FPR2: variants seen among roughly 807,000 people sequenced by gnomAD.
The protein encoded by FPR2 is N-formyl peptide receptor 2.
Under a neutral mutation model 4.0 loss-of-function variants are expected in FPR2, and 3 were observed. The observed-to-expected ratio is 0.74, with a 90% CI of 0.34 to 1.92. The LOEUF (loss-of-function observed/expected upper bound fraction) is 1.92, where lower values mean the gene tolerates loss of function less well. Among genes scored for constraint, FPR2 ranks in the 30% most tolerant of loss-of-function variants. The pLI, the probability that FPR2 is intolerant of heterozygous loss-of-function variation, is 0.07. For missense variants in FPR2, 372 were observed against 435.7 expected (o/e 0.85, Z 1.30); for synonymous variants, 179 against 171.5 (o/e 1.04, Z -0.34).
chr19:51,766,110 G>A (rs977754695), intron 1 of FPR2, among the ~76,000 whole-genome samples: 3 of 152,072 alleles, frequency 2.0e-5, no homozygotes, highest in East Asian at 1.9e-4. Flanking sequence ...CGGTAGAGAC[G>A]GGGCTTCACC....
chr19:51,768,334 C>A, intron 1 of FPR2: 1 of 238,788 alleles, frequency 4.2e-6, no homozygotes, highest in Admixed American at 5.0e-5. Flanking sequence ...AATGCTGAGG[C>A]TGCCTATGCT....
chr19:51,764,450 G>A (rs17694990), intron 1 of FPR2, among the ~76,000 whole-genome samples: 4 of 151,944 alleles, frequency 2.6e-5, no homozygotes, highest in South Asian at 2.1e-4. Context: ...GTGGGATAGC[G>A]AGTGCGCTGG....
intron 1 of FPR2, among the ~76,000 whole-genome samples, chr19:51,765,037 G>C (rs1213617078): frequency 6.6e-6 from 1 of 152,184 alleles, no homozygotes; most frequent in Non-Finnish European, 1.5e-5. Context: ...ATGTTGGCCA[G>C]GCTGGTTTCA....
At chr19:51,765,561 C>T (rs1033177475) in intron 1 of FPR2, among the ~76,000 whole-genome samples, 4 of 152,138 alleles carry the variant, frequency 2.6e-5, no homozygotes, top group Non-Finnish European at 5.9e-5. Flanking sequence ...CTGTGAGAGG[C>T]GTTGATAGGG....
intron 1 of FPR2, among the ~76,000 whole-genome samples, chr19:51,762,155 G>A (rs1052812106): frequency 2.7e-5 from 4 of 148,170 alleles, no homozygotes; most frequent in South Asian, 4.2e-4. Context: ...GCGCAGTCTC[G>A]GCTCACTGCA....
rs2083891741 is a variant in FPR2, at chr19:51,769,871, T to C, written c.*157T>C. 1 of 663,292 alleles carries C rather than the reference T, an allele frequency of 1.5e-6. No individual in the cohort carries two copies. Among genetic ancestry groups the C allele is most frequent in the African/African-American group, 1.8e-5 (1 of 54,756 alleles). The allele number at this position is 663,292 out of a possible 1,614,324, so 41.1% of individuals were successfully genotyped here. A position where few individuals can be genotyped will look rare whatever the true frequency, so the allele number is the denominator to read the frequency against. ...GTGTCCCTGATTTGGGGCTAAGAAA[T>C]AGACAGTCAGGCTACTAAAATATTA... On this transcript the variant is annotated 3_prime_UTR_variant, in exon 2 of 2. Transcript: ENST00000340023. The surrounding 1 kb of genome is among the most constrained non-coding windows in gnomAD (Gnocchi z 4.4).
intron 1 of FPR2, among the ~76,000 whole-genome samples, chr19:51,767,830 C>T (rs1433937666): frequency 1.3e-5 from 2 of 152,122 alleles, no homozygotes; most frequent in African/African-American, 4.8e-5. Flanking sequence ...CAAACCGGAT[C>T]CCATATGTAG....
At chr19:51,763,370 T>A (rs1285886915) in intron 1 of FPR2, 1 of 152,112 alleles carries the variant, frequency 6.6e-6, no homozygotes, top group Non-Finnish European at 1.5e-5. Context: ...AGGAAAAACG[T>A]GATTTAAGGA....
chr19:51,769,155 C>T lies in FPR2; in HGVS notation c.497C>T (p.Thr166Ile). The change falls in exon 2 of 2, where the codon ACA (threonine) becomes ATA (isoleucine). Residue 166 changes from threonine (T) to isoleucine (I), a missense_variant. Coordinates refer to ENST00000340023, the MANE Select transcript of FPR2 (RefSeq NM_001005738.2). The surrounding 1 kb of genome is among the most constrained non-coding windows in gnomAD (Gnocchi z 4.4). The stretch of plus-strand genomic sequence containing the variant: ...TTGCCAGTTTTCCTCTTTTTGACTA[C>T]AGTAACTATTCCAAATGGGGACACA... ...LTLPVFLFLT[T>I]VTIPNGDTYC... The T allele has an allele frequency of 6.2e-7, 1 of 1,614,200 alleles. No homozygotes were observed. The highest frequency in any genetic ancestry group is 2.2e-5 in the East Asian group (1 of 44,888).
rs2083892675 is a variant in FPR2, at chr19:51,770,059, T to C, written c.*345T>C. On this transcript the variant is annotated 3_prime_UTR_variant, in exon 2 of 2. Coordinates refer to ENST00000340023, the MANE Select transcript of FPR2 (RefSeq NM_001005738.2). ...AAGTAAAATGTTTGCTGTAGGTTTT[T>C]TATAGCTATTAAAAAAAATCAGATT... is the stretch of plus-strand genomic sequence containing the variant. 5.0e-6 allele frequency: 1 copy of C among 199,582 alleles called. No homozygotes were observed. The highest frequency in any genetic ancestry group is 1.4e-4 in the South Asian group (1 of 6,914). The allele number at this position is 199,582 out of a possible 1,614,324, so 12.4% of individuals were successfully genotyped here. A position where few individuals can be genotyped will look rare whatever the true frequency, so the allele number is the denominator to read the frequency against.
chr19:51,761,889 G>A (rs1446909821), intron 1 of FPR2, among the ~76,000 whole-genome samples: 1 of 152,154 alleles, frequency 6.6e-6, no homozygotes, highest in East Asian at 1.9e-4. Flanking sequence ...GCCCCGAGAT[G>A]ACAATGAGCT....
rs762388829 is a variant in FPR2 at position 51,769,717 on chromosome 19, A to G, written c.*3A>G. On this transcript the variant is annotated 3_prime_UTR_variant, in exon 2 of 2. Coordinates refer to ENST00000340023, the MANE Select transcript of FPR2 (RefSeq NM_001005738.2). This position sits in a 1 kb window ranked among gnomAD's most constrained non-coding sequence, Gnocchi z 4.4. ...AGACTGAGTTACAGGCAATGTGAGGATGGGGTCAGGGATATTTTGAGTTCT... is the reference window on the plus strand; with the variant it reads ...AGACTGAGTTACAGGCAATGTGAGGGTGGGGTCAGGGATATTTTGAGTTCT... 1 of 1,612,256 alleles carries G rather than the reference A, an allele frequency of 6.2e-7. No homozygotes were observed. Among genetic ancestry groups the G allele is most frequent in the South Asian group, 1.1e-5 (1 of 91,044 alleles).
At chr19:51,765,251 G>C (rs1427323632) in intron 1 of FPR2, among the ~76,000 whole-genome samples, 1 of 152,164 alleles carries the variant, frequency 6.6e-6, no homozygotes, top group African/African-American at 2.4e-5. Flanking sequence ...GGTGGAAAAG[G>C]GTTAACAGCA....
intron 1 of FPR2, among the ~76,000 whole-genome samples, chr19:51,762,129 A>G (rs982425123): frequency 2.2e-5 from 3 of 137,418 alleles, no homozygotes; most frequent in African/African-American, 8.6e-5. Context: ...TCTGTCGCCC[A>G]GGCTGAAGTG....
Position 51,769,599 on chromosome 19 carries a change from T to G in FPR2, c.941T>G (p.Ile314Ser). Residue 314 changes from isoleucine to serine, a missense_variant, in exon 2 of 2, where the codon ATC becomes AGC. Transcript: ENST00000340023. This position sits in a 1 kb window ranked among gnomAD's most constrained non-coding sequence, Gnocchi z 4.4. ...GGCCAAGACTTCCGAGAGAGACTGA[T>G]CCACTCCCTGCCCACCAGTCTGGAG... The part of the protein sequence containing the change: ...FVGQDFRERL[I>S]HSLPTSLERA... 3 of 1,614,178 alleles carry G rather than the reference T, an allele frequency of 1.9e-6. No individual in the cohort carries two copies. The highest frequency in any genetic ancestry group is 2.5e-6 in the Non-Finnish European group (3 of 1,180,028).
intron 1 of FPR2, chr19:51,763,072 G>A (rs944140106): frequency 3.9e-5 from 6 of 152,208 alleles, no homozygotes; most frequent in Non-Finnish European, 5.9e-5. Flanking sequence ...CGGGACTCCC[G>A]TGGGGAGAGG....
intron 1 of FPR2, among the ~76,000 whole-genome samples, chr19:51,766,473 C>T (rs1241477585): frequency 2.0e-5 from 3 of 152,092 alleles, no homozygotes; most frequent in African/African-American, 4.8e-5. Context: ...CATTAAATAA[C>T]GTCCCATGGA....
chr19:51,764,459 G>T (rs2083858324), intron 1 of FPR2, among the ~76,000 whole-genome samples: 1 of 152,194 alleles, frequency 6.6e-6, no homozygotes, highest in African/African-American at 2.4e-5. Flanking sequence ...CGAGTGCGCT[G>T]GAGAAGTAGA....
Position 51,769,263 on chromosome 19 carries a change from G to T in FPR2, c.605G>T (p.Gly202Val). ...GCCATTACCATGCTGACAGCCAGAG[G>T]GATTATCCGGTTTGTCATTGGCTTT... is the stretch of plus-strand genomic sequence containing the variant. The part of the protein sequence containing the change: ...KVAITMLTAR[G>V]IIRFVIGFSL... Residue 202 changes from glycine to valine, a missense_variant, in exon 2 of 2, where the codon GGG becomes GTG. Physicochemically the swap from Gly to Val is moderately radical, Grantham distance 109. Transcript: ENST00000340023. This position sits in a 1 kb window ranked among gnomAD's most constrained non-coding sequence, Gnocchi z 4.4. 1 of 1,614,162 alleles carries T rather than the reference G, an allele frequency of 6.2e-7. No homozygotes were observed. Among genetic ancestry groups the T allele is most frequent in the East Asian group, 2.2e-5 (1 of 44,876 alleles).
Sources: gnomAD v4.1 joint callset for allele counts (sites outside exome capture counted in the v4.1 genomes callset) on GRCh38, gnomAD v4.1.1 for gene constraint, Gnocchi (gnomAD v3.1) non-coding constraint, MANE v1.5 for transcripts, NCBI Gene and HGNC (gene_info 2026-07-23, HGNC 2026-07-21) for gene names.